MVP: variants seen among roughly 807,000 people sequenced by gnomAD.
MVP encodes major vault protein, also known as lung resistance-related protein.
MVP carries 62 observed loss-of-function variants against 83.5 expected under a neutral mutation model. The observed-to-expected ratio is 0.74, with a 90% confidence interval of 0.61 to 0.92. The LOEUF is 0.92. Ranked by LOEUF, MVP falls within the 40% of genes least tolerant of loss-of-function variation. The pLI, the probability that MVP is intolerant of heterozygous loss-of-function variation, is 0.00. For missense variants in MVP, 1,000 were observed against 1,203.4 expected (o/e 0.83, Z 2.50); for synonymous variants, 505 against 504.1 (o/e 1.00, Z -0.02).
At chr16:29,837,729 G>T (rs1431540394) in intron 7 of MVP, among the ~76,000 whole-genome samples, 1 of 151,982 alleles carries the variant, frequency 6.6e-6, no homozygotes, top group Non-Finnish European at 1.5e-5. Flanking sequence ...ACTCTAGCCT[G>T]GGCGATAGAG....
At chr16:29,840,049 G>A (rs1413275712) in intron 7 of MVP, 129 bp from the exon 8 acceptor site, 1 of 885,408 alleles carries the variant, frequency 1.1e-6, no homozygotes, top group East Asian at 2.6e-5. Flanking sequence ...TTATGATGTG[G>A]GGGTGGGGGC....
chr16:29,844,981 T>A, intron 11 of MVP, 102 bp downstream of exon 11: 1 of 1,429,104 alleles, frequency 7.0e-7, no homozygotes, highest in African/African-American at 1.4e-5. Context: ...CTGCCATCCC[T>A]ACCCTCAAAG....
Position 29,844,566 on chromosome 16 carries a change from G to A in MVP, c.1708G>A (p.Asp570Asn). Reference protein sequence around the residue: ...KLFSVPDFVGDACKAIASRVR... With the variant: ...KLFSVPDFVGNACKAIASRVR... ...CTTTTCAGTGCCAGACTTTGTAGGT[G>A]ATGCCTGCAAAGCCATCGCATCCCG... The change falls in exon 11 of 15, where the codon GAT (aspartate) becomes AAT (asparagine). Residue 570 changes from aspartate to asparagine, a missense_variant. By Grantham distance (23) the Asp-to-Asn change is conservative (BLOSUM62 1). Transcript: ENST00000357402. 1 of 1,606,812 alleles carries A rather than the reference G, an allele frequency of 6.2e-7. No individual in the cohort carries two copies. Among genetic ancestry groups the A allele is most frequent in the African/African-American group, 1.3e-5 (1 of 74,912 alleles).
intron 10 of MVP, among the ~76,000 whole-genome samples, chr16:29,843,558 GAGGGAGGGAGGGAGGGAGGGAGGA>G (rs2067554096): frequency 6.0e-5 from 4 of 66,628 alleles, no homozygotes; most frequent in East Asian, 4.0e-4. Context: ...GGGAGGGAGG[GAGGGAGGGAGGGAGGGAGGGAGGA>G]AGGGAGGAAG....
chr16:29,828,127 A>G (rs1379055875), intron 1 of MVP, among the ~76,000 whole-genome samples: 1 of 151,304 alleles, frequency 6.6e-6, no homozygotes, highest in Non-Finnish European at 1.5e-5. Context: ...TGCCCAGCTA[A>G]TTTTTGTATT....
At chr16:29,845,166 C>A (rs572816160) in intron 11 of MVP, among the ~76,000 whole-genome samples, 1 of 143,270 alleles carries the variant, frequency 7.0e-6, no homozygotes, top group South Asian at 2.2e-4. Flanking sequence ...CCAGCCTGGG[C>A]AACAGGCCTG....
At chr16:29,832,191 C>T (rs2067448539) in intron 3 of MVP, among the ~76,000 whole-genome samples, 1 of 150,800 alleles carries the variant, frequency 6.6e-6, no homozygotes. Context: ...TAGGTGCAGA[C>T]AGTTTGGGGG....
intron 6 of MVP, among the ~76,000 whole-genome samples, 179 bp from the exon 7 acceptor site, chr16:29,836,543 C>T (rs1408390574): frequency 6.6e-6 from 1 of 151,044 alleles, no homozygotes; most frequent in Non-Finnish European, 1.5e-5. Context: ...CACCTTTGCA[C>T]TCTAGCCTGG....
At chr16:29,820,727 AG>A (rs1279361478) in intron 1 of MVP, among the ~76,000 whole-genome samples, 1 of 152,082 alleles carries the variant, frequency 6.6e-6, no homozygotes, top group African/African-American at 2.4e-5. Context: ...TTTGAAGTAA[AG>A]GCAGATTAAC....
At chr16:29,823,122 CTTTT>C (rs66512916) in intron 1 of MVP, among the ~76,000 whole-genome samples, 3 of 98,480 alleles carry the variant, frequency 3.0e-5, no homozygotes, top group Non-Finnish European at 5.7e-5. Flanking sequence ...CTTTTCTTTT[CTTTT>C]TTTTTTTTTT....
At chr16:29,840,797 C>T (rs562520853) in intron 8 of MVP, among the ~76,000 whole-genome samples, 94 of 152,166 alleles carry the variant, frequency 6.2e-4, no homozygotes, top group Non-Finnish European at 1.3e-3. Context: ...AAACATTAGT[C>T]AGGCGTGGTG....
intron 6 of MVP, among the ~76,000 whole-genome samples, chr16:29,836,414 A>C (rs1330024110): frequency 6.6e-6 from 1 of 151,854 alleles, no homozygotes; most frequent in East Asian, 1.9e-4. Flanking sequence ...ATCTCTACTA[A>C]AAATACAAAA....
At chr16:29,826,153 C>T (rs1263480927) in intron 1 of MVP, 1 of 152,234 alleles carries the variant, frequency 6.6e-6, no homozygotes, top group Admixed American at 6.5e-5. Flanking sequence ...GAAAGTTGGG[C>T]CTCAGGCACT....
intron 7 of MVP, among the ~76,000 whole-genome samples, chr16:29,837,437 G>T (rs546738143): frequency 6.6e-6 from 1 of 152,238 alleles, no homozygotes; most frequent in South Asian, 2.1e-4. Context: ...CCATAGAAAA[G>T]GTAAGGTAAA....
chr16:29,847,981 C>T lies in MVP; in HGVS notation c.2674C>T (p.Leu892=), dbSNP rs373221846. Residue 892 remains leucine (L), a synonymous_variant, in exon 15 of 15, where the codon CTG becomes TTG. Transcript: ENST00000357402. Reference sequence around the variant, plus strand: ...TGGAGACAACCACGTGGTGCCTGTACTGCGCTAACTCCTGATTAATACAAT... The same window carrying T: ...TGGAGACAACCACGTGGTGCCTGTATTGCGCTAACTCCTGATTAATACAAT... ...APGDNHVVPV[L]R The T allele has an allele frequency of 1.9e-6, 3 of 1,606,836 alleles. No homozygotes were observed. The highest frequency in any genetic ancestry group is 1.1e-5 in the South Asian group (1 of 89,722).
intron 13 of MVP, among the ~76,000 whole-genome samples, chr16:29,846,876 T>C (rs1272637547): frequency 6.6e-6 from 1 of 151,584 alleles, no homozygotes; most frequent in Non-Finnish European, 1.5e-5. Flanking sequence ...ATAAAGTAAA[T>C]AAAAATAAAT....
At chr16:29,824,062 CA>C (rs1223672138) in intron 1 of MVP, among the ~76,000 whole-genome samples, 1 of 151,376 alleles carries the variant, frequency 6.6e-6, no homozygotes, top group African/African-American at 2.4e-5. Flanking sequence ...CCACTAAAAA[CA>C]AAATTATCTG....
At chr16:29,836,517 C>A (rs925834841) in intron 6 of MVP, among the ~76,000 whole-genome samples, 1 of 151,108 alleles carries the variant, frequency 6.6e-6, no homozygotes, top group East Asian at 1.9e-4. Context: ...GCGGAAGTTG[C>A]AGTGAGCTGA....
chr16:29,847,963 A>C lies in MVP; in HGVS notation c.2656A>C (p.Asn886His). Residue 886 changes from asparagine to histidine, a missense_variant, in exon 15 of 15, where the codon AAC (asparagine) becomes CAC (histidine). By Grantham distance (68) the Asn-to-His change is moderately conservative. Transcript: ENST00000357402. ...SAQAPQAPGD[N>H]HVVPVLR is the part of the protein sequence containing the mutation. ...TCAGGCCCCTCAAGCTCCTGGAGAC[A>C]ACCACGTGGTGCCTGTACTGCGCTA... is the stretch of plus-strand genomic sequence containing the variant. 1 of 1,609,458 alleles carries C rather than the reference A, an allele frequency of 6.2e-7. No homozygotes were observed. Among genetic ancestry groups the C allele is most frequent in the Non-Finnish European group, 8.5e-7 (1 of 1,178,768 alleles).
Sources: gnomAD v4.1 joint callset for allele counts (sites outside exome capture counted in the v4.1 genomes callset) on GRCh38, gnomAD v4.1.1 for gene constraint, MANE v1.5 for transcripts, NCBI Gene and HGNC (gene_info 2026-07-23, HGNC 2026-07-21) for gene names.